Variants in REV3L observed in about 807,000 individuals in gnomAD.
REV3L encodes the protein DNA polymerase zeta catalytic subunit.
Under a neutral mutation model 299.4 loss-of-function variants are expected in REV3L, and 69 were observed. That is an observed-to-expected ratio of 0.23 (90% CI 0.19 to 0.28). REV3L has a LOEUF of 0.28. Among genes scored for constraint, REV3L ranks in the 10% least tolerant of loss-of-function variants. The probability of loss-of-function intolerance (pLI) is 1.00; values close to 1 mark genes in which losing one functional copy is unlikely to be tolerated. For synonymous variants in REV3L, 1,238 were observed against 1,271.4 expected (o/e 0.97, Z 0.56); for missense variants, 3,128 against 3,693.8 (o/e 0.85, Z 3.97).
At chr6:111,409,966 G>A (rs1184291832) in intron 3 of REV3L, among the ~76,000 whole-genome samples, 1 of 152,134 alleles carries the variant, frequency 6.6e-6, no homozygotes, top group Non-Finnish European at 1.5e-5. Flanking sequence ...CATGAACCAT[G>A]CACACTTTGC....
chr6:111,333,310 T>A lies in REV3L; in HGVS notation c.7738A>T (p.Thr2580Ser). ...TGGGATCTTTGCTGAACACTAGGTG[T>A]CACAGGAATATAGTTCATTGGTTTA... ...IAKPMNYIPV[T>S]PSVQQRSQMR... The change falls in exon 23 of 32, where the codon ACA becomes TCA. Residue 2580 changes from threonine (T) to serine (S), a missense_variant. Thr to Ser is a moderately conservative substitution (Grantham distance 58, BLOSUM62 1). Transcript: ENST00000368802. 6.2e-7 allele frequency: 1 copy of A among 1,614,056 alleles called. No homozygotes were observed. Among genetic ancestry groups the A allele is most frequent in the Non-Finnish European group, 8.5e-7 (1 of 1,179,984 alleles).
Position 111,309,917 on chromosome 6 carries a change from G to T in REV3L, c.8978C>A (p.Pro2993His), listed in dbSNP as rs758304993. Residue 2993 changes from proline to histidine, a missense_variant, in exon 30 of 32, where the codon CCC becomes CAC. By Grantham distance (77) the Pro-to-His change is moderately conservative. This residue lies in a region of REV3L where 294 missense variants were observed against 377.0 expected (regional missense o/e 0.78). Transcript: ENST00000368802. Reference protein sequence around the residue: ...TYYITKQILPPLARIFSLIGI... With the variant: ...TYYITKQILPHLARIFSLIGI... ...AATAAGTGAGAAGATTCTTGCCAAG[G>T]GTGGAAGGATTTGCTTGGTAATATA... is the stretch of plus-strand genomic sequence containing the variant. The T allele has an allele frequency of 1.9e-6, 3 of 1,613,946 alleles. No individual in the cohort carries two copies. Among genetic ancestry groups the T allele is most frequent in the Admixed American group, 1.7e-5 (1 of 59,992 alleles).
In REV3L at chr6:111,374,513, G is replaced by A. The variant is rs766507892; in HGVS notation, c.3842C>T (p.Ser1281Phe). 6.2e-7 allele frequency: 1 copy of A among 1,613,988 alleles called. No homozygotes were observed. Among genetic ancestry groups the A allele is most frequent in the Non-Finnish European group, 8.5e-7 (1 of 1,179,920 alleles). ...TTGTGCATTAATTCCAGTGGGTAGGGAAGCAGAAAGGGGATGATCTACAGC... is the reference window on the plus strand; with the variant it reads ...TTGTGCATTAATTCCAGTGGGTAGGAAAGCAGAAAGGGGATGATCTACAGC... Reference protein sequence around the residue: ...GSAVDHPLSASLPTGINAQQK... With the variant: ...GSAVDHPLSAFLPTGINAQQK... Residue 1281 changes from serine to phenylalanine, a missense_variant, in exon 13 of 32, where the codon TCC becomes TTC. Around this residue, in one of 9 missense-constraint regions of REV3L, gnomAD observed 2,409 missense variants for 2,611.8 expected, o/e 0.92. Coordinates refer to ENST00000368802, the MANE Select transcript of REV3L (RefSeq NM_001372078.1).
Position 111,482,891 on chromosome 6 carries a change from T to TCGC in REV3L, c.-6_-4dup, listed in dbSNP as rs761848443. On this transcript the variant is annotated 5_prime_UTR_variant, in exon 1 of 32. Coordinates refer to ENST00000368802, the MANE Select transcript of REV3L (RefSeq NM_001372078.1). ...GTCACTATCCTTACTGAAAACATGT[T>TCGC]CGCCGCCGCCGCCACTGCCTCCCTT... is the stretch of plus-strand genomic sequence containing the variant. 28 of 1,512,678 alleles carry TCGC rather than the reference T, an allele frequency of 1.9e-5. No individual in the cohort carries two copies. Among genetic ancestry groups the TCGC allele is most frequent in the South Asian group, 2.6e-5 (2 of 76,412 alleles). 93.7% of individuals were successfully genotyped at this position (1,512,678 alleles called of 1,614,324 possible).
rs558279101 is a variant in REV3L, at chr6:111,427,880, T to G, written c.140-11408A>C. Among the ~76,000 whole-genome samples, 3 of 152,140 alleles carry G rather than the reference T, an allele frequency of 2.0e-5. No individual in the cohort carries two copies. In the South Asian group the frequency reaches 6.2e-4, roughly 32 times the overall value. The stretch of plus-strand genomic sequence containing the variant: ...AGTCCTGGAAACTCTGCTATGTAAC[T>G]CAGCCAAAAGAGATGCCAAGTTGGA... On this transcript the variant is annotated intron_variant, in intron 1 of 31. Coordinates refer to ENST00000368802, the MANE Select transcript of REV3L (RefSeq NM_001372078.1).
chr6:111,396,523 T>A (rs983217071), intron 4 of REV3L, among the ~76,000 whole-genome samples: 4 of 152,102 alleles, frequency 2.6e-5, no homozygotes, highest in African/African-American at 9.7e-5. Context: ...TTAGGAAGAA[T>A]TTCCCCCTCT....
chr6:111,337,957 C>T (rs1378183406), intron 21 of REV3L, among the ~76,000 whole-genome samples: 1 of 152,064 alleles, frequency 6.6e-6, no homozygotes, highest in African/African-American at 2.4e-5. Context: ...AGAGAGCTGA[C>T]CTGGAGAAAC....
chr6:111,458,960 AG>A (rs1442869411), intron 1 of REV3L, among the ~76,000 whole-genome samples: 1 of 152,140 alleles, frequency 6.6e-6, no homozygotes, highest in Non-Finnish European at 1.5e-5. Flanking sequence ...ACCAAAAAAC[AG>A]CCCAAACAGC....
At position 111,424,393 on chromosome 6, in the gene REV3L, T is replaced by C. The variant is rs141005291; in HGVS notation, c.140-7921A>G. ...GGACCTTTCAATATCTGTTCCTCCA[T>C]AAAAGCAACAAGAACACTGGCAAAA... On this transcript the variant is annotated intron_variant, in intron 1 of 31. Coordinates refer to ENST00000368802, the MANE Select transcript of REV3L (RefSeq NM_001372078.1). 2.3e-3 allele frequency among the ~76,000 whole-genome samples: 352 copies of C among 152,302 alleles called. 2 individuals carry two copies. The highest frequency in any genetic ancestry group is 8.2e-3 in the African/African-American group (341 of 41,570).
intron 16 of REV3L, among the ~76,000 whole-genome samples, chr6:111,363,570 A>G (rs1191530284): frequency 2.0e-5 from 3 of 151,976 alleles, no homozygotes; most frequent in African/African-American, 7.3e-5. Context: ...TCCACCTCCC[A>G]AAAATCTTTT....
intron 21 of REV3L, among the ~76,000 whole-genome samples, chr6:111,337,116 TGAA>T: frequency 6.6e-6 from 1 of 152,134 alleles, no homozygotes; most frequent in Admixed American, 6.6e-5. Flanking sequence ...GATGAAAGGT[TGAA>T]GAGTGGTGGC....
At chr6:111,446,812 G>A (rs897353436) in intron 1 of REV3L, among the ~76,000 whole-genome samples, 2 of 152,156 alleles carry the variant, frequency 1.3e-5, no homozygotes, top group Non-Finnish European at 2.9e-5. Context: ...AGCCTTAGGA[G>A]AATCTAGTAT....
chr6:111,447,822 T>C (rs1789032883), intron 1 of REV3L, among the ~76,000 whole-genome samples: 2 of 152,226 alleles, frequency 1.3e-5, no homozygotes, highest in African/African-American at 4.8e-5. Flanking sequence ...ATGCTCTATA[T>C]ATGTTTATTG....
chr6:111,482,528 G>A (rs1232595991), intron 1 of REV3L, among the ~76,000 whole-genome samples: 4 of 151,658 alleles, frequency 2.6e-5, no homozygotes, highest in African/African-American at 7.3e-5. Context: ...CCACCTCCCT[G>A]CCCGGGGGTG....
At position 111,411,487 on chromosome 6, in the gene REV3L, C is replaced by T; in HGVS notation, c.397G>A (p.Val133Met). 1.3e-6 allele frequency: 2 copies of T among 1,573,596 alleles called. No individual in the cohort carries two copies. The highest frequency in any genetic ancestry group is 1.7e-6 in the Non-Finnish European group (2 of 1,152,310). ...TTTCATTTATCTTTGTACCTTTTCA[C>T]CATTGTAGGATTGTAAAGATAGATC... ...MKIYLYNPTM[V>M]KRICELLQSG... Residue 133 changes from valine (V) to methionine (M), a missense_variant, in exon 3 of 32, where the codon GTG becomes ATG. Coordinates refer to ENST00000368802, the MANE Select transcript of REV3L (RefSeq NM_001372078.1).
At chr6:111,416,921 G>C (rs1784833691) in intron 1 of REV3L, among the ~76,000 whole-genome samples, 1 of 152,086 alleles carries the variant, frequency 6.6e-6, no homozygotes, top group Non-Finnish European at 1.5e-5. Flanking sequence ...GCAGCTCTGG[G>C]AGAAAGGGGA....
chr6:111,397,835 C>T (rs953861762), intron 4 of REV3L, among the ~76,000 whole-genome samples: 14 of 151,950 alleles, frequency 9.2e-5, no homozygotes, highest in African/African-American at 3.4e-4. Context: ...TGAGATCTCA[C>T]TATGTTACCT....
chr6:111,371,632 C>T (rs537230846), intron 13 of REV3L, among the ~76,000 whole-genome samples: 2 of 151,468 alleles, frequency 1.3e-5, no homozygotes, highest in African/African-American at 4.8e-5. Flanking sequence ...GGCGTGATCT[C>T]AGCTCACTAC....
chr6:111,483,515 G>C (rs916644573), upstream of REV3L: 3 of 527,882 alleles, frequency 5.7e-6, no homozygotes, highest in Admixed American at 2.4e-5. Context: ...GGGCTCCGAG[G>C]GGCTTGCGGG....
Sources: allele counts gnomAD v4.1 joint callset (sites outside exome capture counted in the v4.1 genomes callset), GRCh38; gene constraint gnomAD v4.1.1; regional missense constraint gnomAD v4.1.1; transcripts MANE v1.5; gene names NCBI Gene and HGNC (gene_info 2026-07-23, HGNC 2026-07-21).